The following POU2F1 variants were observed in gnomAD, a reference collection of about 807,000 sequenced individuals.
POU2F1 encodes the protein POU domain, class 2, transcription factor 1.
POU2F1 carries 16 observed loss-of-function variants against 84.9 expected under a neutral mutation model. That is an observed-to-expected ratio of 0.19 (90% CI 0.13 to 0.29). The LOEUF is 0.29. Among genes scored for constraint, POU2F1 ranks in the 10% least tolerant of loss-of-function variants. The pLI is 1.00. For missense variants in POU2F1, 738 were observed against 942.6 expected, an observed-to-expected ratio of 0.78 and a Z score of 2.84; for synonymous variants, 368 against 368.3, an observed-to-expected ratio of 1.00 and a Z score of 0.01.
chr1:167,405,714 A>G (rs1424921186), intron 13 of POU2F1, among the ~76,000 whole-genome samples: 1 of 152,162 alleles, frequency 6.6e-6, no homozygotes, highest in Non-Finnish European at 1.5e-5. Context: ...GCCGTGAAGG[A>G]TATACAACAT....
Position 167,302,266 on chromosome 1 carries a change from C to CT in POU2F1, c.62-30191dup, listed in dbSNP as rs964368454. Reference sequence around the variant, plus strand: ...ACCCGGCTAATTTTTTTTTTCTTTTCTTTTTTTTTTTTTGAGACAGCATCT... The same window carrying CT: ...ACCCGGCTAATTTTTTTTTTCTTTTCTTTTTTTTTTTTTTGAGACAGCATCT... On this transcript the variant is annotated intron_variant, in intron 1 of 15. Coordinates refer to ENST00000367866, the MANE Select transcript of POU2F1 (RefSeq NM_002697.4). 8.3e-3 allele frequency among the ~76,000 whole-genome samples: 1,198 copies of CT among 143,520 alleles called. 16 individuals are homozygous for CT. Among genetic ancestry groups the CT allele is most frequent in the African/African-American group, 0.021 (831 of 39,464 alleles). 94.2% of individuals were successfully genotyped at this position (143,520 alleles called of 152,430 possible).
chr1:167,277,810 A>C (rs1163137537), intron 1 of POU2F1, among the ~76,000 whole-genome samples: 5 of 152,242 alleles, frequency 3.3e-5, no homozygotes, highest in Non-Finnish European at 7.3e-5. Context: ...TTAAAGACTT[A>C]GGAGTAATTC....
At chr1:167,245,656 G>A (rs939071610) in intron 1 of POU2F1, among the ~76,000 whole-genome samples, 1 of 151,684 alleles carries the variant, frequency 6.6e-6, no homozygotes, top group South Asian at 2.1e-4. Context: ...CAGGTGATCC[G>A]CCCACCTCAG....
At chr1:167,320,126 A>G (rs7538951) in intron 1 of POU2F1, among the ~76,000 whole-genome samples, 62,072 of 150,588 alleles carry the variant, frequency 0.41, 15,111 homozygotes, top group East Asian at 0.69. Context: ...GGGTAAGTAA[A>G]GTCGTCAGCT....
chr1:167,296,053 TAA>T (rs1654271187), intron 1 of POU2F1, among the ~76,000 whole-genome samples: 1 of 152,066 alleles, frequency 6.6e-6, no homozygotes, highest in Admixed American at 6.6e-5. Flanking sequence ...TCTGTACAGT[TAA>T]GTCGTGAGTT....
At position 167,415,680 on chromosome 1, in the gene POU2F1, G is replaced by A; in HGVS notation, c.2171G>A (p.Gly724Glu). The change falls in exon 16 of 16, where the codon GGG becomes GAG. Residue 724 changes from glycine (G) to glutamate (E), a missense_variant. Around this residue, in one of 4 missense-constraint regions of POU2F1, gnomAD observed 319 missense variants for 386.0 expected, o/e 0.83. Coordinates refer to ENST00000367866, the MANE Select transcript of POU2F1 (RefSeq NM_002697.4). ...GTCTCTGCCGCCGCAGCATCTGCAG[G>A]GAACTCTGCACCTGTAGCCAGCCTT... The part of the protein sequence containing the change: ...SLVSAAAASA[G>E]NSAPVASLHA... 6.2e-7 allele frequency: 1 copy of A among 1,614,076 alleles called. No individual in the cohort carries two copies. Among genetic ancestry groups the A allele is most frequent in the Non-Finnish European group, 8.5e-7 (1 of 1,179,994 alleles).
chr1:167,260,591 T>A (rs530883752), intron 1 of POU2F1, among the ~76,000 whole-genome samples: 1 of 152,340 alleles, frequency 6.6e-6, no homozygotes, highest in South Asian at 2.1e-4. Context: ...TCTCTCAACA[T>A]GATTTGTTGA....
At chr1:167,300,161 A>C (rs187184556) in intron 1 of POU2F1, among the ~76,000 whole-genome samples, 1 of 152,220 alleles carries the variant, frequency 6.6e-6, no homozygotes, top group Non-Finnish European at 1.5e-5. Flanking sequence ...TTATTGCAGA[A>C]ACAGAAACCA....
At chr1:167,399,087 G>A in intron 11 of POU2F1, 99 bp from the exon 12 acceptor site, 1 of 1,209,088 alleles carries the variant, frequency 8.3e-7, no homozygotes, top group Middle Eastern at 2.2e-4. Context: ...ATGGTCATAT[G>A]TATCCCAGCT....
chr1:167,304,263 CATTA>C (rs1654909352), intron 1 of POU2F1, among the ~76,000 whole-genome samples: 1 of 151,960 alleles, frequency 6.6e-6, no homozygotes, highest in Non-Finnish European at 1.5e-5. Context: ...CAGTATTAAC[CATTA>C]ATTAACTGGT....
chr1:167,252,386 G>A (rs1220096029), intron 1 of POU2F1, among the ~76,000 whole-genome samples: 1 of 152,164 alleles, frequency 6.6e-6, no homozygotes, highest in Non-Finnish European at 1.5e-5. Context: ...AGAAGGAGAA[G>A]CACGTATGTT....
chr1:167,403,691 T>C (rs1394263189), intron 13 of POU2F1, among the ~76,000 whole-genome samples: 2 of 152,232 alleles, frequency 1.3e-5, no homozygotes, highest in Non-Finnish European at 2.9e-5. Flanking sequence ...GCTTTCTTCC[T>C]GAAGACTTTC....
chr1:167,304,540 G>C (rs1251345013), intron 1 of POU2F1, among the ~76,000 whole-genome samples: 1 of 152,026 alleles, frequency 6.6e-6, no homozygotes, highest in African/African-American at 2.4e-5. Flanking sequence ...ACTGATTATG[G>C]AATCATTTCC....
chr1:167,297,926 C>T (rs1654399955), intron 1 of POU2F1, among the ~76,000 whole-genome samples: 1 of 151,932 alleles, frequency 6.6e-6, no homozygotes. Context: ...TCAAGACCAG[C>T]CTTACCAATG....
chr1:167,222,563 T>C (rs1197547629), intron 1 of POU2F1, among the ~76,000 whole-genome samples: 1 of 152,096 alleles, frequency 6.6e-6, no homozygotes, highest in Non-Finnish European at 1.5e-5. Flanking sequence ...AGCTGGGCCT[T>C]GGCTTCTCTA....
At chr1:167,242,730 A>G (rs1431652851) in intron 1 of POU2F1, among the ~76,000 whole-genome samples, 1 of 152,204 alleles carries the variant, frequency 6.6e-6, no homozygotes, top group African/African-American at 2.4e-5. Context: ...CTAGCAAAGT[A>G]ACAAGAAATG....
At chr1:167,336,216 A>G (rs1657433143) in intron 2 of POU2F1, among the ~76,000 whole-genome samples, 1 of 152,252 alleles carries the variant, frequency 6.6e-6, no homozygotes. Flanking sequence ...ACAATACAGT[A>G]TAAATCGTAA....
intron 2 of POU2F1, chr1:167,337,992 GC>G: frequency 2.6e-6 from 1 of 386,588 alleles, no homozygotes; most frequent in Admixed American, 3.2e-5. Flanking sequence ...TATGATATGG[GC>G]ACTGAAACTA....
intron 1 of POU2F1, among the ~76,000 whole-genome samples, chr1:167,288,070 A>C (rs1340387821): frequency 1.3e-5 from 2 of 152,310 alleles, no homozygotes; most frequent in East Asian, 3.9e-4. Flanking sequence ...ACAAATAAAA[A>C]CTGAGTTGGC....
Sources: allele counts gnomAD v4.1 joint callset (sites outside exome capture counted in the v4.1 genomes callset), GRCh38; gene constraint gnomAD v4.1.1; regional missense constraint gnomAD v4.1.1; transcripts MANE v1.5; gene names NCBI Gene and HGNC (gene_info 2026-07-23, HGNC 2026-07-21).